The following CNTN4 variants were observed in gnomAD, a reference collection of about 807,000 sequenced individuals.
CNTN4 encodes the protein contactin-4.
CNTN4 carries 77 observed loss-of-function variants against 122.5 expected under a neutral mutation model. That is an observed-to-expected ratio of 0.63 (90% CI 0.52 to 0.76). CNTN4 has a LOEUF of 0.76. Among genes scored for constraint, CNTN4 ranks in the 30% least tolerant of loss-of-function variants. The pLI is 0.00. For missense variants in CNTN4, 1,256 were observed against 1,259.1 expected (o/e 1.00, Z 0.04); for synonymous variants, 512 against 447.0 (o/e 1.15, Z -1.83).
intron 3 of CNTN4, among the ~76,000 whole-genome samples, chr3:2,353,938 AAAG>A (rs1291858162): frequency 1.3e-5 from 2 of 152,102 alleles, no homozygotes; most frequent in Non-Finnish European, 2.9e-5. Context: ...AAAAAAACAT[AAAG>A]GAGTCCTCAC....
At chr3:2,968,399 A>G (rs1692543825) in intron 13 of CNTN4, among the ~76,000 whole-genome samples, 2 of 152,200 alleles carry the variant, frequency 1.3e-5, no homozygotes, top group Non-Finnish European at 2.9e-5. Flanking sequence ...CTATAGCTAC[A>G]CAGACAAAGT....
intron 24 of CNTN4, among the ~76,000 whole-genome samples, chr3:3,054,871 A>C (rs1701640794): frequency 6.6e-6 from 1 of 152,240 alleles, no homozygotes; most frequent in East Asian, 1.9e-4. Context: ...AATAAAAAAA[A>C]GACTGTGGTT....
intron 3 of CNTN4, among the ~76,000 whole-genome samples, chr3:2,433,694 C>T (rs2048157848): frequency 6.6e-6 from 1 of 151,990 alleles, no homozygotes; most frequent in African/African-American, 2.4e-5. Flanking sequence ...AAATCTTTGC[C>T]CAGACCAATG....
chr3:2,819,927 CCTGGTTGGT>C (rs1169319087), intron 7 of CNTN4, among the ~76,000 whole-genome samples: 1 of 152,174 alleles, frequency 6.6e-6, no homozygotes, highest in African/African-American at 2.4e-5. Context: ...CATTTCATCT[CCTGGTTGGT>C]CTGGGAACTG....
intron 3 of CNTN4, among the ~76,000 whole-genome samples, chr3:2,448,211 C>T (rs575573602): frequency 1.6e-4 from 24 of 152,178 alleles, no homozygotes; most frequent in East Asian, 5.8e-4. Flanking sequence ...CTGTGGGGCA[C>T]GCAAGAGAAA....
At chr3:2,354,351 C>T (rs548978637) in intron 3 of CNTN4, among the ~76,000 whole-genome samples, 5 of 152,008 alleles carry the variant, frequency 3.3e-5, no homozygotes, top group Admixed American at 6.5e-5. Flanking sequence ...GCCAATGTGG[C>T]GAAACCCCAT....
At chr3:2,552,334 T>C (rs2078543398) in intron 3 of CNTN4, among the ~76,000 whole-genome samples, 1 of 152,224 alleles carries the variant, frequency 6.6e-6, no homozygotes, top group Non-Finnish European at 1.5e-5. Context: ...ACAACTTCAC[T>C]TCTTTTGACT....
At chr3:2,456,982 ATC>A (rs1174562360) in intron 3 of CNTN4, among the ~76,000 whole-genome samples, 2 of 152,114 alleles carry the variant, frequency 1.3e-5, no homozygotes, top group Non-Finnish European at 2.9e-5. Flanking sequence ...TACTATTATT[ATC>A]TCTGTTTTAC....
chr3:2,155,359 A>G (rs2149142416), intron 2 of CNTN4, among the ~76,000 whole-genome samples: 1 of 152,286 alleles, frequency 6.6e-6, no homozygotes, highest in Non-Finnish European at 1.5e-5. Flanking sequence ...ATGTGAACAC[A>G]GATTATCCGT....
chr3:2,535,726 T>C (rs1332895748), intron 3 of CNTN4, among the ~76,000 whole-genome samples: 4 of 152,192 alleles, frequency 2.6e-5, no homozygotes, highest in African/African-American at 4.8e-5. Context: ...TTGTATATTT[T>C]GATGTTATTT....
At chr3:2,191,080 T>C (rs141383516) in intron 2 of CNTN4, among the ~76,000 whole-genome samples, 42 of 152,046 alleles carry the variant, frequency 2.8e-4, no homozygotes, top group African/African-American at 9.4e-4. Flanking sequence ...ACTGGCATAA[T>C]GTATTTTTGT....
chr3:2,792,384 A>G (rs1445519089), intron 6 of CNTN4, among the ~76,000 whole-genome samples: 3 of 152,244 alleles, frequency 2.0e-5, no homozygotes, highest in African/African-American at 7.2e-5. Context: ...TTCAAGATCC[A>G]TGATCCTCCT....
intron 2 of CNTN4, among the ~76,000 whole-genome samples, chr3:2,169,865 TAAG>T (rs1299317749): frequency 3.3e-5 from 5 of 151,866 alleles, no homozygotes; most frequent in Non-Finnish European, 5.9e-5. Context: ...AAAACAGAAT[TAAG>T]AATAAATAAT....
chr3:2,918,739 A>G (rs948130673), intron 12 of CNTN4, among the ~76,000 whole-genome samples: 1 of 152,200 alleles, frequency 6.6e-6, no homozygotes, highest in Non-Finnish European at 1.5e-5. Context: ...AGTAGTATAA[A>G]CAGCCCATGT....
intron 7 of CNTN4, among the ~76,000 whole-genome samples, chr3:2,849,681 T>C (rs2093514687): frequency 6.6e-6 from 1 of 152,180 alleles, no homozygotes; most frequent in African/African-American, 2.4e-5. Flanking sequence ...TTGGGATTGA[T>C]GGACGTCAGG....
intron 3 of CNTN4, among the ~76,000 whole-genome samples, chr3:2,541,923 G>C (rs1285363051): frequency 6.6e-6 from 1 of 152,098 alleles, no homozygotes; most frequent in African/African-American, 2.4e-5. Flanking sequence ...GTGGAACTGA[G>C]TTGTGAAACT....
intron 2 of CNTN4, among the ~76,000 whole-genome samples, chr3:2,126,701 A>G (rs1279911398): frequency 6.6e-6 from 1 of 152,220 alleles, no homozygotes; most frequent in East Asian, 1.9e-4. Context: ...TGAGGAGAAT[A>G]TAACTTCAAA....
chr3:2,408,626 C>T (rs993221200), intron 3 of CNTN4, among the ~76,000 whole-genome samples: 1 of 152,086 alleles, frequency 6.6e-6, no homozygotes, highest in African/African-American at 2.4e-5. Flanking sequence ...TTTTTCTCTT[C>T]AAGTGAACCC....
chr3:2,600,742 T>C (rs1361885076), intron 4 of CNTN4, among the ~76,000 whole-genome samples: 2 of 152,162 alleles, frequency 1.3e-5, no homozygotes, highest in Non-Finnish European at 2.9e-5. Flanking sequence ...GGTCAAACGG[T>C]ATTTCTAGTT....
Sources: gnomAD v4.1 joint callset for allele counts (sites outside exome capture counted in the v4.1 genomes callset) on GRCh38, gnomAD v4.1.1 for gene constraint, MANE v1.5 for transcripts, NCBI Gene and HGNC (gene_info 2026-07-23, HGNC 2026-07-21) for gene names.